ATR: variants seen among roughly 807,000 people sequenced by gnomAD.
The protein encoded by ATR is serine/threonine-protein kinase ATR.
A neutral mutation model predicts 305.3 loss-of-function variants in ATR; 142 were observed. The ratio of observed to expected loss-of-function variants is 0.47; its 90% CI spans 0.41 to 0.53. The LOEUF is 0.53. ATR is among the 20% of genes least tolerant of loss of function. The pLI, the probability that ATR is intolerant of heterozygous loss-of-function variation, is 0.00. For missense variants in ATR, 2,135 were observed against 3,133.1 expected (o/e 0.68, Z 7.60); for synonymous variants, 1,050 against 1,068.1 (o/e 0.98, Z 0.33).
intron 1 of ATR, among the ~76,000 whole-genome samples, chr3:142,578,097 T>G (rs530855982): frequency 6.6e-6 from 1 of 152,310 alleles, no homozygotes; most frequent in Admixed American, 6.5e-5. Flanking sequence ...GGTCACATCT[T>G]CAGTATGTAC....
intron 22 of ATR, 30 bp from the exon 23 acceptor site, chr3:142,522,871 C>T (rs2108396501): frequency 6.7e-7 from 1 of 1,485,634 alleles, no homozygotes; most frequent in Non-Finnish European, 9.4e-7. Flanking sequence ...AAGAAAATTC[C>T]AGGATAACTG....
intron 3 of ATR, among the ~76,000 whole-genome samples, chr3:142,565,474 C>T (rs145288406): frequency 5.3e-5 from 8 of 152,092 alleles, no homozygotes; most frequent in East Asian, 1.9e-4. Flanking sequence ...TATAGAATAG[C>T]GGTCAGCAAA....
intron 30 of ATR, among the ~76,000 whole-genome samples, chr3:142,500,648 C>A (rs1429580417): frequency 6.6e-6 from 1 of 151,982 alleles, no homozygotes; most frequent in African/African-American, 2.4e-5. Context: ...AAAGAAAAGA[C>A]AACAAGTGAT....
intron 35 of ATR, 129 bp from the exon 36 acceptor site, chr3:142,485,411 C>G: frequency 8.7e-7 from 1 of 1,143,596 alleles, no homozygotes; most frequent in Non-Finnish European, 1.2e-6. Context: ...CAAAAGCAGA[C>G]TCAATCTTTG....
At chr3:142,451,629 G>T in intron 46 of ATR, 1 of 1,249,850 alleles carries the variant, frequency 8.0e-7, no homozygotes, top group Non-Finnish European at 1.0e-6. Context: ...GCCCAGGCTG[G>T]AGTGCAGTGG....
intron 42 of ATR, 81 bp from the exon 43 acceptor site, chr3:142,459,464 G>A (rs2108262419): frequency 6.9e-7 from 1 of 1,454,612 alleles, no homozygotes; most frequent in South Asian, 1.2e-5. Flanking sequence ...AATTGGACAA[G>A]AAACATCTAC....
chr3:142,486,096 C>A (rs1430813066), intron 35 of ATR, among the ~76,000 whole-genome samples: 2 of 152,080 alleles, frequency 1.3e-5, no homozygotes, highest in Non-Finnish European at 2.9e-5. Flanking sequence ...GCTGTTCCTG[C>A]CTTAAATATT....
intron 46 of ATR, 27 bp from the exon 47 acceptor site, chr3:142,449,629 A>C: frequency 6.2e-7 from 1 of 1,606,468 alleles, no homozygotes; most frequent in African/African-American, 1.3e-5. Context: ...TAAAACCAAA[A>C]ACAGATGTTA....
intron 24 of ATR, among the ~76,000 whole-genome samples, chr3:142,519,088 C>A (rs2033031738): frequency 6.6e-6 from 1 of 152,002 alleles, no homozygotes; most frequent in Non-Finnish European, 1.5e-5. Context: ...AAAGTATATT[C>A]TTTCAATTTA....
At chr3:142,574,504 T>C (rs80027426) in intron 1 of ATR, among the ~76,000 whole-genome samples, 135 of 148,426 alleles carry the variant, frequency 9.1e-4, no homozygotes, top group Non-Finnish European at 1.5e-3. Context: ...CTCACAGGAG[T>C]GAGCACTTCT....
Sources: allele counts gnomAD v4.1 joint callset (sites outside exome capture counted in the v4.1 genomes callset), GRCh38; gene constraint gnomAD v4.1.1; transcripts MANE v1.5; gene names NCBI Gene and HGNC (gene_info 2026-07-23, HGNC 2026-07-21).